The following MAP1LC3C variants were observed in gnomAD, a reference collection of about 807,000 sequenced individuals.
The protein encoded by MAP1LC3C is microtubule-associated protein 1 light chain 3 gamma.
MAP1LC3C carries 12 observed loss-of-function variants against 10.4 expected under a neutral mutation model. That is an observed-to-expected ratio of 1.15 (90% CI 0.74 to 1.86). The LOEUF (loss-of-function observed/expected upper bound fraction) is 1.86. Among genes scored for constraint, MAP1LC3C ranks in the 40% most tolerant of loss-of-function variants. The pLI is 0.00. For synonymous variants in MAP1LC3C, 70 were observed against 69.0 expected (o/e 1.01, Z -0.07); for missense variants, 177 against 185.7 (o/e 0.95, Z 0.27).
Position 241,998,584 on chromosome 1 carries a change from G to T in MAP1LC3C, c.151C>A (p.Pro51Thr). 1 of 1,612,950 alleles carries T rather than the reference G, an allele frequency of 6.2e-7. No homozygotes were observed. Among genetic ancestry groups the T allele is most frequent in the Non-Finnish European group, 8.5e-7 (1 of 1,179,684 alleles). Residue 51 changes from proline (P) to threonine (T), a missense_variant, in exon 3 of 4, where the codon CCC becomes ACC. Transcript: ENST00000357246. Reference protein sequence around the residue: ...VERYPRETFLPPLDKTKFLVP... With the variant: ...VERYPRETFLTPLDKTKFLVP... The stretch of plus-strand genomic sequence containing the variant: ...AGGAACTTGGTTTTGTCCAGCGGGG[G>T]CAGGAACGTCTCCCTGGGGTAGCGC...
intron 3 of MAP1LC3C, 38 bp downstream of exon 3, chr1:241,998,476 A>G (rs748864579): frequency 4.2e-5 from 66 of 1,582,892 alleles, no homozygotes; most frequent in Non-Finnish European, 5.6e-5. Context: ...CGGCGCACCC[A>G]GCGCACCTTC....
chr1:241,998,493 G>C, intron 3 of MAP1LC3C, 21 bp downstream of exon 3: 2 of 1,610,062 alleles, frequency 1.2e-6, no homozygotes, highest in Non-Finnish European at 1.7e-6. Context: ...CTTCCTCCGG[G>C]GCACGCTCTG....
chr1:242,001,276 C>T (rs1574238876), upstream of MAP1LC3C, among the ~76,000 whole-genome samples: 2 of 151,074 alleles, frequency 1.3e-5, no homozygotes, highest in South Asian at 2.1e-4. Flanking sequence ...GACTCCACCT[C>T]AGAAAAAAAT....
rs1288572016 is a variant in MAP1LC3C, at chr1:241,998,849, A to ACAAGAGAAGAAGCAAAGAT, written c.59-37_59-19dup. On this transcript the variant is annotated intron_variant, in intron 1 of 3. Transcript: ENST00000357246. ...TCTGATTGCTGTGAATATTTCAAGC[A>ACAAGAGAAGAAGCAAAGAT]CAAGAGAAGAAGCAAAGATCAAGAA... 9 of 1,613,908 alleles carry ACAAGAGAAGAAGCAAAGAT rather than the reference A, an allele frequency of 5.6e-6. No homozygotes were observed. The highest frequency in any genetic ancestry group is 7.6e-6 in the Non-Finnish European group (9 of 1,180,024).
At chr1:241,998,043 T>TTTTTTTTTTTA (rs1665122762) in intron 3 of MAP1LC3C, among the ~76,000 whole-genome samples, 1 of 84,462 alleles carries the variant, frequency 1.2e-5, no homozygotes, top group Non-Finnish European at 2.5e-5. Flanking sequence ...TTTTTTTTTT[T>TTTTTTTTTTTA]GAGACAGAGT....
chr1:241,996,261 A>C lies in MAP1LC3C; in HGVS notation c.346T>G (p.Tyr116Asp). The C allele has an allele frequency of 6.2e-7, 1 of 1,614,202 alleles. No homozygotes were observed. Among genetic ancestry groups the C allele is most frequent in the Non-Finnish European group, 8.5e-7 (1 of 1,180,044 alleles). The change falls in exon 4 of 4, where the codon TAC becomes GAC. Residue 116 changes from tyrosine to aspartate, a missense_variant. Transcript: ENST00000357246. ...RDYKDEDGFV[Y>D]MTYASQETFG... is the part of the protein sequence containing the mutation. ...GTCTCCTGGGAGGCGTAGGTCATGT[A>C]CACGAAGCCATCCTCATCCTTGTAG...
chr1:241,998,018 ATTCTTT>A (rs1242688689), intron 3 of MAP1LC3C, among the ~76,000 whole-genome samples: 15 of 89,386 alleles, frequency 1.7e-4, no homozygotes, highest in Non-Finnish European at 2.1e-4. Context: ...AAATAGAGTA[ATTCTTT>A]TTTTTTTTTT....
chr1:241,998,021 C>CT (rs58237405), intron 3 of MAP1LC3C, among the ~76,000 whole-genome samples: 2,200 of 95,300 alleles, frequency 0.023, 120 homozygotes, highest in African/African-American at 0.072. Context: ...TAGAGTAATT[C>CT]TTTTTTTTTT....
At chr1:241,997,259 T>C (rs1020536416) in intron 3 of MAP1LC3C, among the ~76,000 whole-genome samples, 1 of 152,072 alleles carries the variant, frequency 6.6e-6, no homozygotes, top group Admixed American at 6.6e-5. Context: ...AACTTTAACA[T>C]GTAAGTTTGC....
chr1:241,998,699 G>A (rs1264934476), intron 2 of MAP1LC3C, 77 bp downstream of exon 2: 23 of 1,608,794 alleles, frequency 1.4e-5, no homozygotes, highest in Non-Finnish European at 1.9e-5. Context: ...GAAGCTGTTG[G>A]CTGCTCTTGG....
chr1:241,999,123 C>T (rs1574237838), upstream of MAP1LC3C: 4 of 1,474,938 alleles, frequency 2.7e-6, no homozygotes, highest in Admixed American at 5.4e-5. Context: ...GAAGGAGGCC[C>T]TTATGTAGGG....
At chr1:242,001,112 C>T (rs1240517795), upstream of MAP1LC3C, among the ~76,000 whole-genome samples, 1 of 151,810 alleles carries the variant, frequency 6.6e-6, no homozygotes, top group African/African-American at 2.4e-5. Flanking sequence ...CCTGTCTCTA[C>T]TAAAATACAA....
chr1:241,999,982 T>A (rs955098861), upstream of MAP1LC3C, among the ~76,000 whole-genome samples: 1 of 152,158 alleles, frequency 6.6e-6, no homozygotes, highest in Non-Finnish European at 1.5e-5. Flanking sequence ...TGGTCATACA[T>A]AGGGGAAACC....
At chr1:242,000,353 C>T (rs1022824655), upstream of MAP1LC3C, among the ~76,000 whole-genome samples, 26 of 152,232 alleles carry the variant, frequency 1.7e-4, no homozygotes, top group Middle Eastern at 3.4e-3. Flanking sequence ...CGATTTCTCC[C>T]GAGTAGCTGG....
upstream of MAP1LC3C, among the ~76,000 whole-genome samples, chr1:242,000,818 G>A (rs541082398): frequency 4.0e-4 from 61 of 152,074 alleles, no homozygotes; most frequent in Non-Finnish European, 7.4e-4. Flanking sequence ...TAAACCATTG[G>A]CCACTGGTAA....
chr1:241,998,018 ATTCTT>A (rs1337618428), intron 3 of MAP1LC3C, among the ~76,000 whole-genome samples: 3,650 of 89,356 alleles, frequency 0.041, 65 homozygotes, highest in Non-Finnish European at 0.055. Flanking sequence ...AAATAGAGTA[ATTCTT>A]TTTTTTTTTT....
chr1:241,998,673 T>G, intron 2 of MAP1LC3C, 53 bp from the exon 3 acceptor site: 1 of 1,608,664 alleles, frequency 6.2e-7, no homozygotes, highest in Non-Finnish European at 8.5e-7. Flanking sequence ...TGTTAGGAAC[T>G]TGGAACAGAC....
chr1:241,999,857 A>G (rs529247772), upstream of MAP1LC3C, among the ~76,000 whole-genome samples: 11 of 152,316 alleles, frequency 7.2e-5, no homozygotes, highest in South Asian at 2.1e-4. Flanking sequence ...GTTACAAGGA[A>G]GTCCAAGTAC....
At chr1:241,996,408 G>T (rs114367814) in intron 3 of MAP1LC3C, 23 bp from the exon 4 acceptor site, 50,774 of 1,604,394 alleles carry the variant, frequency 0.032, 962 homozygotes, top group Non-Finnish European at 0.036. Flanking sequence ...GGAGGGTGGT[G>T]AGGGTATGGC....
Sources: gnomAD v4.1 joint callset for allele counts (sites outside exome capture counted in the v4.1 genomes callset) on GRCh38, gnomAD v4.1.1 for gene constraint, MANE v1.5 for transcripts, NCBI Gene and HGNC (gene_info 2026-07-23, HGNC 2026-07-21) for gene names.